The following SLC30A6 variants were observed in gnomAD, a reference collection of about 807,000 sequenced individuals.
The protein encoded by SLC30A6 is solute carrier family 30 member 6, also known as zinc transporter 6.
Under a neutral mutation model 63.0 loss-of-function variants are expected in SLC30A6, and 55 were observed. The observed-to-expected ratio is 0.87, with a 90% CI of 0.70 to 1.09. The LOEUF (loss-of-function observed/expected upper bound fraction) is 1.09, where lower values mean the gene tolerates loss of function less well. Among genes scored for constraint, SLC30A6 ranks in the 50% least tolerant of loss-of-function variants. SLC30A6 has a pLI of 0.00. For missense variants in SLC30A6, 587 were observed against 549.2 expected (o/e 1.07, Z -0.69); for synonymous variants, 224 against 186.1 (o/e 1.20, Z -1.66).
intron 13 of SLC30A6, among the ~76,000 whole-genome samples, chr2:32,218,874 T>A (rs1415749931): frequency 6.6e-6 from 1 of 152,144 alleles, no homozygotes. Flanking sequence ...TCATTTATAA[T>A]CTAGATTGTT....
chr2:32,186,972 G>A (rs1257961625), intron 5 of SLC30A6, among the ~76,000 whole-genome samples: 12 of 147,780 alleles, frequency 8.1e-5, no homozygotes, highest in Non-Finnish European at 5.9e-5. Context: ...CTCCTGCCTG[G>A]GAGACAGAGC....
intron 8 of SLC30A6, 49 bp downstream of exon 8, chr2:32,194,032 AAAAAC>A: frequency 6.8e-7 from 1 of 1,466,816 alleles, no homozygotes; most frequent in Non-Finnish European, 9.4e-7. Context: ...AATCTCTCAT[AAAAAC>A]AAGCCTTTTG....
intron 10 of SLC30A6, among the ~76,000 whole-genome samples, chr2:32,198,955 C>T (rs2148869211): frequency 6.6e-6 from 1 of 152,294 alleles, no homozygotes; most frequent in South Asian, 2.1e-4. Flanking sequence ...CTCCTGCCTT[C>T]CTTAAATTCC....
chr2:32,197,910 A>G, intron 10 of SLC30A6, 84 bp downstream of exon 10: 2 of 1,516,748 alleles, frequency 1.3e-6, no homozygotes, highest in East Asian at 2.3e-5. Flanking sequence ...ATAGTGGTCA[A>G]GCTTCTAGCA....
rs1686159324 is a variant in SLC30A6, at chr2:32,221,785, A to G, written c.*1072A>G. ...TTTATTTTGATTAAGTGACTACCCAACTTTTGGTGATATGCAGTGAAAGAA... is the reference window on the plus strand; with the variant it reads ...TTTATTTTGATTAAGTGACTACCCAGCTTTTGGTGATATGCAGTGAAAGAA... On this transcript the variant is annotated 3_prime_UTR_variant, in exon 14 of 14. Coordinates refer to ENST00000282587, the MANE Select transcript of SLC30A6 (RefSeq NM_017964.5). 6.6e-6 allele frequency: 1 copy of G among 152,166 alleles called. No homozygotes were observed. The highest frequency in any genetic ancestry group is 6.6e-5 in the Admixed American group (1 of 15,264). 9.4% of individuals were successfully genotyped at this position (152,166 alleles called of 1,614,324 possible).
At chr2:32,203,832 G>A in intron 10 of SLC30A6, 2 of 1,419,606 alleles carry the variant, frequency 1.4e-6, no homozygotes, top group Admixed American at 1.7e-5. Context: ...ATTCCAGACA[G>A]AGGAGTGGTT....
At chr2:32,176,146 A>T (rs1248933565) in intron 4 of SLC30A6, among the ~76,000 whole-genome samples, 1 of 152,144 alleles carries the variant, frequency 6.6e-6, no homozygotes, top group Non-Finnish European at 1.5e-5. Context: ...GAAAAAGAAA[A>T]GGAAGAAAAA....
At chr2:32,174,224 C>G (rs1681500267) in intron 3 of SLC30A6, 77 bp downstream of exon 3, 1 of 1,039,006 alleles carries the variant, frequency 9.6e-7, no homozygotes, top group Admixed American at 2.1e-5. Flanking sequence ...GTATATCTTA[C>G]ATAGAATATA....
chr2:32,177,033 A>G (rs1681813287), intron 4 of SLC30A6, among the ~76,000 whole-genome samples: 1 of 152,028 alleles, frequency 6.6e-6, no homozygotes, highest in South Asian at 2.1e-4. Context: ...TTGGCCTCCC[A>G]AAGTGTTGGG....
Position 32,222,649 on chromosome 2 carries a change from C to T in SLC30A6, c.*1936C>T, listed in dbSNP as rs177083. 0.54 allele frequency: 82,240 copies of T among 151,986 alleles called. 22,473 individuals carry two copies. The highest frequency in any genetic ancestry group is 0.58 in the African/African-American group (23,841 of 41,442). 9.4% of individuals were successfully genotyped at this position (151,986 alleles called of 1,614,324 possible). ...TGCTAAAGAAATACAGCCTACACTA[C>T]CTTGACTACTGGGGAAAATGATACT... On this transcript the variant is annotated 3_prime_UTR_variant, in exon 14 of 14. Transcript: ENST00000282587.
intron 1 of SLC30A6, 30 bp downstream of exon 1, chr2:32,165,933 G>T: frequency 6.2e-7 from 1 of 1,614,116 alleles, no homozygotes; most frequent in Non-Finnish European, 8.5e-7. Context: ...GAGGGTTTCG[G>T]CTGTAGCTGA....
intron 10 of SLC30A6, chr2:32,202,410 A>G (rs1221105367): frequency 3.8e-6 from 1 of 261,406 alleles, no homozygotes; most frequent in Non-Finnish European, 7.4e-6. Flanking sequence ...GCTCACTGCA[A>G]GCTCCGCCGC....
chr2:32,180,554 G>T (rs901691947), intron 4 of SLC30A6, among the ~76,000 whole-genome samples: 2 of 151,958 alleles, frequency 1.3e-5, no homozygotes, highest in African/African-American at 4.8e-5. Flanking sequence ...TGTCTTAGCC[G>T]CCCGAGTAGC....
In SLC30A6 at chr2:32,203,958, T is replaced by C; in HGVS notation, c.666-632T>C. ...AAGATGGTAGAAGATGAAGAGGGAA[T>C]AGAAATCGATCAAGAAGTGGGAGCC... On this transcript the variant is annotated intron_variant, in intron 10 of 13. Coordinates refer to ENST00000282587, the MANE Select transcript of SLC30A6 (RefSeq NM_017964.5). 6.6e-6 allele frequency: 5 copies of C among 760,346 alleles called. No homozygotes were observed. In the South Asian group the frequency reaches 8.0e-5, roughly 12 times the overall value. The allele number at this position is 760,346 out of a possible 1,614,324, so 47.1% of individuals were successfully genotyped here.
intron 1 of SLC30A6, 75 bp downstream of exon 1, chr2:32,165,978 G>T (rs1344133911): frequency 6.2e-7 from 1 of 1,604,740 alleles, no homozygotes; most frequent in African/African-American, 1.3e-5. Flanking sequence ...AAGCGACCTT[G>T]AAATCCCTCA....
intron 5 of SLC30A6, among the ~76,000 whole-genome samples, chr2:32,184,927 C>T (rs1558387414): frequency 6.6e-6 from 1 of 152,060 alleles, no homozygotes; most frequent in Non-Finnish European, 1.5e-5. Context: ...TTAGCAAGAG[C>T]AAGTACAAAG....
In SLC30A6 at chr2:32,166,148, C is replaced by T. The variant is rs146599615; in HGVS notation, c.3+245C>T. On this transcript the variant is annotated intron_variant, in intron 1 of 13. Coordinates refer to ENST00000282587, the MANE Select transcript of SLC30A6 (RefSeq NM_017964.5). Reference sequence around the variant, plus strand: ...CCCGCTGCAGGCAGAGCTTTCAGCTCCTGGCGAGTTTCTGACTTCCCTCTG... The same window carrying T: ...CCCGCTGCAGGCAGAGCTTTCAGCTTCTGGCGAGTTTCTGACTTCCCTCTG... Among the ~76,000 whole-genome samples the T allele has an allele frequency of 3.8e-4, 58 of 152,310 alleles. 1 individual carries two copies. The East Asian group carries it at 0.011, about 29-fold the overall frequency.
chr2:32,177,560 G>A, intron 4 of SLC30A6: 1 of 203,190 alleles, frequency 4.9e-6, no homozygotes, highest in Non-Finnish European at 1.1e-5. Flanking sequence ...CCAAAGTGCT[G>A]GGATAACAGG....
chr2:32,219,520 C>T (rs772547775), intron 13 of SLC30A6, among the ~76,000 whole-genome samples: 19 of 152,084 alleles, frequency 1.2e-4, no homozygotes, highest in Non-Finnish European at 2.2e-4. Flanking sequence ...CTGCAACCTC[C>T]GCCTCCTGGG....
Sources: allele counts gnomAD v4.1 joint callset (sites outside exome capture counted in the v4.1 genomes callset), GRCh38; gene constraint gnomAD v4.1.1; transcripts MANE v1.5; gene names NCBI Gene and HGNC (gene_info 2026-07-23, HGNC 2026-07-21).